Variants in NFIB observed in about 807,000 individuals in gnomAD.
NFIB encodes nuclear factor 1 B-type.
Under a neutral mutation model 61.5 loss-of-function variants are expected in NFIB, and 11 were observed. That is an observed-to-expected ratio of 0.18 (90% CI 0.11 to 0.30). The LOEUF (loss-of-function observed/expected upper bound fraction) is 0.30, where lower values mean the gene tolerates loss of function less well. Among genes scored for constraint, NFIB ranks in the 10% least tolerant of loss-of-function variants. NFIB has a pLI of 1.00. For synonymous variants in NFIB, 260 were observed against 216.5 expected (o/e 1.20, Z -1.76); for missense variants, 471 against 608.9 (o/e 0.77, Z 2.38).
chr9:14,445,878 G>T, the NFIB span, among the ~76,000 whole-genome samples: 2 of 151,884 alleles, frequency 1.3e-5, no homozygotes. Flanking sequence ...TGTTTGATTG[G>T]GGAACATTTT....
intron 2 of NFIB, among the ~76,000 whole-genome samples, chr9:14,192,975 C>CT (rs1242197593): frequency 6.6e-6 from 1 of 151,830 alleles, no homozygotes; most frequent in Non-Finnish European, 1.5e-5. Flanking sequence ...AATATAATAA[C>CT]TTTTTTAAAA....
At chr9:14,486,920 T>G in the NFIB span, among the ~76,000 whole-genome samples, 4 of 152,230 alleles carry the variant, frequency 2.6e-5, no homozygotes, top group African/African-American at 4.8e-5. Context: ...AGAAATGGAC[T>G]TACATAGGGG....
chr9:14,448,957 G>C, the NFIB span, among the ~76,000 whole-genome samples: 2 of 152,192 alleles, frequency 1.3e-5, no homozygotes, highest in African/African-American at 4.8e-5. Context: ...CCCAGTTTGA[G>C]TCAATGCTAG....
At chr9:14,330,710 C>T (rs2060809980) in intron 1 of NFIB, among the ~76,000 whole-genome samples, 1 of 151,996 alleles carries the variant, frequency 6.6e-6, no homozygotes, top group African/African-American at 2.4e-5. Flanking sequence ...TGGAGGTAGA[C>T]CTGAGGACAC....
At chr9:14,381,010 G>A (rs2133000608) in intron 1 of NFIB, among the ~76,000 whole-genome samples, 1 of 135,616 alleles carries the variant, frequency 7.4e-6, no homozygotes, top group African/African-American at 2.7e-5. Context: ...GGAGGCAAAT[G>A]TTGCAGTGAG....
At chr9:14,481,120 C>T in the NFIB span, among the ~76,000 whole-genome samples, 1 of 147,384 alleles carries the variant, frequency 6.8e-6, no homozygotes, top group Non-Finnish European at 1.5e-5. Context: ...AGAAGTTGCT[C>T]TCATCCAATG....
chr9:14,154,084 T>C (rs1345414328), intron 4 of NFIB, among the ~76,000 whole-genome samples: 2 of 152,174 alleles, frequency 1.3e-5, no homozygotes, highest in Non-Finnish European at 2.9e-5. Flanking sequence ...TACCTTGGTT[T>C]TGAACTGTTC....
At chr9:14,336,077 G>A (rs1354273169) in intron 1 of NFIB, among the ~76,000 whole-genome samples, 6 of 152,150 alleles carry the variant, frequency 3.9e-5, no homozygotes, top group African/African-American at 7.2e-5. Context: ...CCATTGTGTC[G>A]TTATAAGAAG....
At chr9:14,329,760 G>A (rs539983611) in intron 1 of NFIB, among the ~76,000 whole-genome samples, 106 of 151,448 alleles carry the variant, frequency 7.0e-4, no homozygotes, top group African/African-American at 2.3e-3. Flanking sequence ...TGATCCACCC[G>A]CCTCAGCCTC....
chr9:14,503,607 T>G, the NFIB span, among the ~76,000 whole-genome samples: 1 of 152,222 alleles, frequency 6.6e-6, no homozygotes, highest in Non-Finnish European at 1.5e-5. Context: ...TCCATATGCT[T>G]CTTGGCCACT....
chr9:14,184,819 G>C (rs1011483349), intron 2 of NFIB, among the ~76,000 whole-genome samples: 3 of 152,094 alleles, frequency 2.0e-5, no homozygotes, highest in African/African-American at 7.2e-5. Context: ...CCAGGAGTTT[G>C]AGACCAGCCT....
chr9:14,498,655 C>T, the NFIB span, among the ~76,000 whole-genome samples: 1 of 152,130 alleles, frequency 6.6e-6, no homozygotes, highest in Non-Finnish European at 1.5e-5. Context: ...AGTTCCAAAT[C>T]ACAGGGAGTG....
the NFIB span, among the ~76,000 whole-genome samples, chr9:14,480,896 C>T: frequency 6.6e-6 from 1 of 151,962 alleles, no homozygotes; most frequent in Non-Finnish European, 1.5e-5. Context: ...GAAATCACTT[C>T]ATAACAAAAG....
intron 3 of NFIB, among the ~76,000 whole-genome samples, 174 bp downstream of exon 3, chr9:14,179,553 A>G (rs1480733802): frequency 6.6e-6 from 1 of 152,230 alleles, no homozygotes; most frequent in African/African-American, 2.4e-5. Flanking sequence ...GATGACGCCA[A>G]TATAAAAGTA....
the NFIB span, among the ~76,000 whole-genome samples, chr9:14,442,531 G>A: frequency 0.34 from 51,981 of 151,950 alleles, 9,959 homozygotes; most frequent in Admixed American, 0.48. Flanking sequence ...GCTACAAGGA[G>A]CTAGCAGGGC....
At chr9:14,443,792 G>A in the NFIB span, among the ~76,000 whole-genome samples, 1 of 152,164 alleles carries the variant, frequency 6.6e-6, no homozygotes, top group Non-Finnish European at 1.5e-5. Context: ...TAATATCCGT[G>A]AAGACAGAAA....
chr9:14,219,643 T>C (rs2051399503), intron 2 of NFIB, among the ~76,000 whole-genome samples: 1 of 152,188 alleles, frequency 6.6e-6, no homozygotes, highest in Admixed American at 6.5e-5. Context: ...TTTGTTTTGT[T>C]TTGTTTCTTT....
chr9:14,324,352 A>G (rs2060727199), intron 1 of NFIB, among the ~76,000 whole-genome samples: 1 of 152,200 alleles, frequency 6.6e-6, no homozygotes, highest in Non-Finnish European at 1.5e-5. Context: ...AGAGGATAAC[A>G]CTTGACCAAC....
Position 14,307,155 on chromosome 9 carries a change from T to C in NFIB, c.396A>G (p.Leu132=), listed in dbSNP as rs1316118904. The change falls in exon 2 of 11, where the codon CTA becomes CTG. Residue 132 remains leucine (L), a synonymous_variant. Coordinates refer to ENST00000380953, the MANE Select transcript of NFIB (RefSeq NM_001190737.2). This position sits in a 1 kb window ranked among gnomAD's most constrained non-coding sequence, Gnocchi z 5.3. ...RQADKVWRLD[L]VMVILFKGIP... is the part of the protein sequence containing the mutation. ...TGCCTTTGAACAGGATCACCATGAC[T>C]AGATCCAGACGCCAGACTTTGTCTG... 1.9e-6 allele frequency: 3 copies of C among 1,614,018 alleles called. No homozygotes were observed. The highest frequency in any genetic ancestry group is 2.7e-5 in the African/African-American group (2 of 74,914).
Sources: gnomAD v4.1 joint callset for allele counts (sites outside exome capture counted in the v4.1 genomes callset) on GRCh38, gnomAD v4.1.1 for gene constraint, Gnocchi (gnomAD v3.1) non-coding constraint, MANE v1.5 for transcripts, NCBI Gene and HGNC (gene_info 2026-07-23, HGNC 2026-07-21) for gene names.